CLEC16A: variants seen among roughly 807,000 people sequenced by gnomAD.
The protein encoded by CLEC16A is protein CLEC16A.
A neutral mutation model predicts 109.5 loss-of-function variants in CLEC16A; 51 were observed. The ratio of observed to expected loss-of-function variants is 0.47; its 90% CI spans 0.37 to 0.59. The LOEUF (loss-of-function observed/expected upper bound fraction) is 0.59. CLEC16A is among the 20% of genes least tolerant of loss of function. The probability of loss-of-function intolerance (pLI) is 0.00; values close to 1 mark genes in which losing one functional copy is unlikely to be tolerated. For missense variants in CLEC16A, 1,339 were observed against 1,394.0 expected (o/e 0.96, Z 0.63); for synonymous variants, 673 against 564.2 (o/e 1.19, Z -2.73).
intron 9 of CLEC16A, among the ~76,000 whole-genome samples, 176 bp from the exon 10 acceptor site, chr16:10,982,702 A>G (rs1328135745): frequency 6.6e-6 from 1 of 152,206 alleles, no homozygotes; most frequent in Non-Finnish European, 1.5e-5. Context: ...GACTGACCTT[A>G]CAAGAGTGGA....
intron 19 of CLEC16A, among the ~76,000 whole-genome samples, chr16:11,082,603 C>G (rs935182461): frequency 1.3e-5 from 2 of 152,180 alleles, no homozygotes; most frequent in African/African-American, 4.8e-5. Context: ...ATTCGTTCAG[C>G]AGCCGTTTAT....
intron 19 of CLEC16A, among the ~76,000 whole-genome samples, chr16:11,119,856 C>G (rs545434875): frequency 6.6e-5 from 10 of 152,176 alleles, no homozygotes; most frequent in African/African-American, 2.4e-4. Context: ...GTCACTTTAA[C>G]GATATCATTT....
At chr16:11,163,908 T>C (rs555616319) in intron 22 of CLEC16A, among the ~76,000 whole-genome samples, 2 of 152,288 alleles carry the variant, frequency 1.3e-5, no homozygotes, top group East Asian at 3.9e-4. Flanking sequence ...GGGTAATTCA[T>C]TTTCGAGGCA....
rs914515148 is a variant in CLEC16A, at chr16:11,151,078, C to T, written c.2642-15310C>T. 4.6e-5 allele frequency among the ~76,000 whole-genome samples: 7 copies of T among 152,134 alleles called. No homozygotes were observed. The East Asian group carries it at 7.7e-4, about 17-fold the overall frequency. On this transcript the variant is annotated intron_variant, in intron 22 of 23. Transcript: ENST00000409790. ...GAGGTCACATTCTGAGTCTGAGGTA[C>T]TAGAGGTTAGGACTTCAACCTAAGA...
At chr16:11,027,778 A>C in intron 13 of CLEC16A, 4 of 1,115,408 alleles carry the variant, frequency 3.6e-6, no homozygotes, top group Non-Finnish European at 5.3e-6. Context: ...CAGGTGCCAA[A>C]CTGCAGTATA....
At chr16:11,098,616 C>T (rs1007733819) in intron 19 of CLEC16A, among the ~76,000 whole-genome samples, 1 of 152,194 alleles carries the variant, frequency 6.6e-6, no homozygotes, top group African/African-American at 2.4e-5. Context: ...TGAGAACCAG[C>T]CTGGTGGGGC....
chr16:10,991,340 C>T (rs971966900), intron 10 of CLEC16A, among the ~76,000 whole-genome samples: 8 of 146,578 alleles, frequency 5.5e-5, no homozygotes, highest in African/African-American at 2.0e-4. Context: ...TAAAGAACAT[C>T]GTGAACCTGG....
chr16:11,113,202 T>C (rs1396199463), intron 19 of CLEC16A, among the ~76,000 whole-genome samples: 1 of 152,214 alleles, frequency 6.6e-6, no homozygotes, highest in East Asian at 1.9e-4. Context: ...ATCTGCATGA[T>C]CAGGCAGAGC....
chr16:10,983,125 A>G (rs2043422392), intron 10 of CLEC16A, 134 bp downstream of exon 10: 2 of 582,412 alleles, frequency 3.4e-6, no homozygotes, highest in East Asian at 6.0e-5. Context: ...TCCGGGATTC[A>G]GTGAACCTAA....
At chr16:10,976,961 G>T (rs1339480725) in intron 7 of CLEC16A, among the ~76,000 whole-genome samples, 2 of 152,222 alleles carry the variant, frequency 1.3e-5, no homozygotes, top group Non-Finnish European at 2.9e-5. Flanking sequence ...CTGTGCTTAT[G>T]CAGTGGCTTG....
At chr16:11,075,958 A>G (rs1039743695) in intron 19 of CLEC16A, among the ~76,000 whole-genome samples, 1 of 152,170 alleles carries the variant, frequency 6.6e-6, no homozygotes, top group Non-Finnish European at 1.5e-5. Context: ...ACCTTGGAAT[A>G]TCCTTGTTTC....
chr16:11,080,507 C>T (rs949882834), intron 19 of CLEC16A, among the ~76,000 whole-genome samples: 3 of 152,188 alleles, frequency 2.0e-5, no homozygotes, highest in African/African-American at 4.8e-5. Flanking sequence ...GTCAGTAGCC[C>T]GTGTCTGGAA....
intron 22 of CLEC16A, among the ~76,000 whole-genome samples, chr16:11,153,986 C>T (rs77447162): frequency 6.6e-6 from 1 of 152,288 alleles, no homozygotes; most frequent in Non-Finnish European, 1.5e-5. Flanking sequence ...CCATAAGTGC[C>T]AACCTTATTT....
At chr16:11,078,912 G>A (rs144453146) in intron 19 of CLEC16A, among the ~76,000 whole-genome samples, 4 of 152,310 alleles carry the variant, frequency 2.6e-5, no homozygotes, top group African/African-American at 7.2e-5. Context: ...TCCTGCATCC[G>A]TGTAGTTGAG....
intron 19 of CLEC16A, among the ~76,000 whole-genome samples, chr16:11,098,552 G>A (rs757047477): frequency 2.6e-5 from 4 of 152,156 alleles, no homozygotes; most frequent in Non-Finnish European, 4.4e-5. Context: ...TGGTATTTGG[G>A]ATCTGACAAG....
intron 5 of CLEC16A, chr16:10,971,454 A>T: frequency 3.1e-6 from 2 of 646,960 alleles, no homozygotes; most frequent in Non-Finnish European, 3.8e-6. Flanking sequence ...TCATGCTGCT[A>T]CATAGAAGTA....
chr16:11,110,998 C>A lies in CLEC16A; in HGVS notation c.2117-9617C>A, dbSNP rs557367284. Among the ~76,000 whole-genome samples the A allele has an allele frequency of 1.6e-4, 24 of 152,164 alleles. No individual in the cohort carries two copies. In the South Asian group the frequency reaches 3.3e-3, roughly 21 times the overall value. On this transcript the variant is annotated intron_variant, in intron 19 of 23. Coordinates refer to ENST00000409790, the MANE Select transcript of CLEC16A (RefSeq NM_015226.3). ...GTTGGGAAATGGTTGTGCTAGTTTC[C>A]CTTCATTCTGCTAAATACTTGCAGG...
intron 3 of CLEC16A, among the ~76,000 whole-genome samples, chr16:10,967,713 C>A (rs2042579434): frequency 6.6e-6 from 1 of 152,224 alleles, no homozygotes; most frequent in Non-Finnish European, 1.5e-5. Flanking sequence ...CTTACCACTA[C>A]TTCATGAGGA....
intron 13 of CLEC16A, among the ~76,000 whole-genome samples, chr16:11,025,928 A>G (rs1303310591): frequency 1.3e-5 from 2 of 152,194 alleles, no homozygotes; most frequent in African/African-American, 2.4e-5. Context: ...AGGAGTATAT[A>G]TGGTTTTATT....
Sources: allele counts gnomAD v4.1 joint callset (sites outside exome capture counted in the v4.1 genomes callset), GRCh38; gene constraint gnomAD v4.1.1; transcripts MANE v1.5; gene names NCBI Gene and HGNC (gene_info 2026-07-23, HGNC 2026-07-21).